Variants in VWA8 observed in about 807,000 individuals in gnomAD.
VWA8 encodes the protein von Willebrand factor A domain-containing protein 8.
In VWA8, 221 loss-of-function variants were observed where a neutral mutation model predicts 241.5. The observed-to-expected ratio is 0.91, with a 90% CI of 0.82 to 1.02. VWA8 has a LOEUF of 1.02. Ranked by LOEUF, VWA8 falls within the 50% of genes least tolerant of loss-of-function variation. The pLI is 0.00. For synonymous variants in VWA8, 852 were observed against 827.1 expected, an observed-to-expected ratio of 1.03 and a Z score of -0.52; for missense variants, 2,322 against 2,328.7, an observed-to-expected ratio of 1.00 and a Z score of 0.06.
intron 17 of VWA8, among the ~76,000 whole-genome samples, chr13:41,803,257 G>A (rs571492291): frequency 6.6e-6 from 1 of 152,182 alleles, no homozygotes; most frequent in Non-Finnish European, 1.5e-5. Flanking sequence ...ACTCTTCAAT[G>A]CCCAGACAAC....
rs559214238 is a variant in VWA8, at chr13:41,689,220, T to A, written c.4131+134A>T. 8 of 1,002,050 alleles carry A rather than the reference T, an allele frequency of 8.0e-6. No homozygotes were observed. The African/African-American group carries it at 1.1e-4, about 14-fold the overall frequency. The allele number at this position is 1,002,050 out of a possible 1,614,324, so 62.1% of individuals were successfully genotyped here. On this transcript the variant is annotated intron_variant, in intron 34 of 44. Transcript: ENST00000379310. ...TATAACATATTTTCTACTGACTGAT[T>A]TGGAAGGAAGACTTGATCCAACATG...
intron 19 of VWA8, among the ~76,000 whole-genome samples, chr13:41,780,526 C>G (rs1456584232): frequency 6.6e-6 from 1 of 152,148 alleles, no homozygotes; most frequent in Non-Finnish European, 1.5e-5. Context: ...TCCAACTAAA[C>G]AGCACCTGAA....
chr13:41,698,658 C>T (rs2045230116), intron 29 of VWA8, among the ~76,000 whole-genome samples: 1 of 152,156 alleles, frequency 6.6e-6, no homozygotes, highest in Non-Finnish European at 1.5e-5. Flanking sequence ...ATACCATTCA[C>T]CTCAATTCCT....
At chr13:41,730,007 A>T (rs2045470073) in intron 22 of VWA8, among the ~76,000 whole-genome samples, 1 of 152,148 alleles carries the variant, frequency 6.6e-6, no homozygotes, top group Non-Finnish European at 1.5e-5. Flanking sequence ...GAGAGATGTA[A>T]AACAAGCATA....
Position 41,692,947 on chromosome 13 carries a change from G to A in VWA8, c.3590C>T (p.Thr1197Ile). Residue 1197 changes from threonine (T) to isoleucine (I), a missense_variant, in exon 30 of 45, where the codon ACT becomes ATT. Thr to Ile is a moderately conservative substitution (Grantham distance 89). Transcript: ENST00000379310. ...GAGACGATGAAGGGCCCGGCCAGTA[G>A]TATCTAACAACAGGATAACATTACT... Reference protein sequence around the residue: ...QQSNVILLLDTTGRALHRLIL... With the variant: ...QQSNVILLLDITGRALHRLIL... 1 of 1,603,872 alleles carries A rather than the reference G, an allele frequency of 6.2e-7. No homozygotes were observed. The highest frequency in any genetic ancestry group is 8.5e-7 in the Non-Finnish European group (1 of 1,173,584).
intron 40 of VWA8, among the ~76,000 whole-genome samples, chr13:41,602,683 G>A (rs1215780657): frequency 6.6e-6 from 1 of 152,114 alleles, no homozygotes; most frequent in Non-Finnish European, 1.5e-5. Context: ...AATGCTGCAT[G>A]CTAGGCATTG....
chr13:41,928,238 T>G (rs1352565177), intron 2 of VWA8, among the ~76,000 whole-genome samples: 1 of 152,154 alleles, frequency 6.6e-6, no homozygotes, highest in Non-Finnish European at 1.5e-5. Context: ...GAATTGCACC[T>G]TAGACCAAAT....
chr13:41,573,868 C>T (rs781767329), intron 43 of VWA8, among the ~76,000 whole-genome samples: 5 of 151,668 alleles, frequency 3.3e-5, no homozygotes, highest in Non-Finnish European at 7.4e-5. Context: ...GTGGTCTGCC[C>T]GCCTCGGCCT....
chr13:41,745,296 C>A (rs142172856), intron 21 of VWA8, among the ~76,000 whole-genome samples: 4 of 152,100 alleles, frequency 2.6e-5, no homozygotes, highest in African/African-American at 9.7e-5. Context: ...CGCATCCCCC[C>A]ACCCCATGAC....
intron 43 of VWA8, among the ~76,000 whole-genome samples, chr13:41,574,054 C>T (rs937778573): frequency 1.3e-5 from 2 of 151,860 alleles, no homozygotes; most frequent in African/African-American, 2.4e-5. Context: ...ATTGCATGCC[C>T]GTATCAAACA....
At chr13:41,573,610 C>T (rs1456615694) in intron 43 of VWA8, among the ~76,000 whole-genome samples, 2 of 140,188 alleles carry the variant, frequency 1.4e-5, no homozygotes, top group African/African-American at 2.8e-5. Context: ...TATATATACG[C>T]ATATATATGG....
intron 17 of VWA8, among the ~76,000 whole-genome samples, chr13:41,807,345 C>T (rs115687232): frequency 3.8e-4 from 58 of 152,028 alleles, no homozygotes; most frequent in African/African-American, 1.4e-3. Context: ...TCTACAAGGC[C>T]ACTATTACCC....
At chr13:41,635,754 G>A (rs780757502) in intron 37 of VWA8, among the ~76,000 whole-genome samples, 2 of 152,146 alleles carry the variant, frequency 1.3e-5, no homozygotes, top group Non-Finnish European at 2.9e-5. Flanking sequence ...GAGGCTAGGG[G>A]TCAGGAGAAG....
intron 3 of VWA8, among the ~76,000 whole-genome samples, chr13:41,908,865 T>G (rs1316819935): frequency 6.6e-6 from 1 of 152,192 alleles, no homozygotes; most frequent in Non-Finnish European, 1.5e-5. Flanking sequence ...CTGAGTTACT[T>G]AAGTATAATG....
chr13:41,605,947 G>GA (rs1315105351), intron 39 of VWA8, among the ~76,000 whole-genome samples: 1 of 151,934 alleles, frequency 6.6e-6, no homozygotes, highest in Non-Finnish European at 1.5e-5. Context: ...TTGCTTCACT[G>GA]AAGCCCCACC....
rs1424877053 is a variant in VWA8 at position 41,567,241 on chromosome 13, GTTGTT to G, written c.*951_*955del. 4.6e-5 allele frequency: 7 copies of G among 152,044 alleles called. No individual in the cohort carries two copies. The highest frequency in any genetic ancestry group is 3.9e-4 in the Admixed American group (6 of 15,282). The allele number at this position is 152,044 out of a possible 1,614,324, so 9.4% of individuals were successfully genotyped here. Reference sequence around the variant, plus strand: ...AAAAGAGAATGAGGCTTTAAAAAAAGTTGTTTTCTTTCTTTTTGTTACAGCTAAAA... The same window carrying G: ...AAAAGAGAATGAGGCTTTAAAAAAAGTTCTTTCTTTTTGTTACAGCTAAAA... On this transcript the variant is annotated 3_prime_UTR_variant, in exon 45 of 45. Coordinates refer to ENST00000379310, the MANE Select transcript of VWA8 (RefSeq NM_015058.2).
chr13:41,866,825 A>G (rs1873335248), intron 10 of VWA8, among the ~76,000 whole-genome samples: 2 of 152,134 alleles, frequency 1.3e-5, no homozygotes, highest in African/African-American at 4.8e-5. Flanking sequence ...AATCCTTTTC[A>G]GGTTTATCTT....
chr13:41,761,277 A>C (rs914722176), intron 20 of VWA8, 73 bp from the exon 21 acceptor site: 11 of 1,440,332 alleles, frequency 7.6e-6, no homozygotes, highest in Non-Finnish European at 1.1e-5. Context: ...AATCAGAAGA[A>C]TCTTTTACCA....
intron 18 of VWA8, among the ~76,000 whole-genome samples, chr13:41,786,350 T>A (rs1055364508): frequency 2.0e-5 from 3 of 152,146 alleles, no homozygotes; most frequent in Non-Finnish European, 1.5e-5. Context: ...CAGTACCTCA[T>A]CAGAAGATTG....
Sources: gnomAD v4.1 joint callset for allele counts (sites outside exome capture counted in the v4.1 genomes callset) on GRCh38, gnomAD v4.1.1 for gene constraint, MANE v1.5 for transcripts, NCBI Gene and HGNC (gene_info 2026-07-23, HGNC 2026-07-21) for gene names.